Variants in PTPRM observed in about 807,000 individuals in gnomAD.
PTPRM encodes protein tyrosine phosphatase receptor type M, also known as receptor-type tyrosine-protein phosphatase mu.
In PTPRM, 47 loss-of-function variants were observed where a neutral mutation model predicts 186.7. That is an observed-to-expected ratio of 0.25 (90% confidence interval 0.20 to 0.32). The LOEUF (loss-of-function observed/expected upper bound fraction) is 0.32. PTPRM is among the 10% of genes least tolerant of loss of function. PTPRM has a pLI of 1.00. For missense variants in PTPRM, 1,494 were observed against 1,865.0 expected (o/e 0.80, Z 3.66); for synonymous variants, 668 against 674.9 (o/e 0.99, Z 0.16).
rs1413600605 is a variant in PTPRM at position 7,982,291 on chromosome 18, T to TC, written c.1132+26877_1132+26878insC. Among the ~76,000 whole-genome samples, 9 of 151,530 alleles carry TC rather than the reference T, an allele frequency of 5.9e-5. No homozygotes were observed. The East Asian group carries it at 1.7e-3, about 29-fold the overall frequency. Reference sequence around the variant, plus strand: ...TCTGTTTTTAAGTTTTTACTTTTTTTTTTTTTTTTTACTTTTAAAACTTTT... The same window carrying TC: ...TCTGTTTTTAAGTTTTTACTTTTTTTCTTTTTTTTTTACTTTTAAAACTTTT... On this transcript the variant is annotated intron_variant, in intron 7 of 32. Coordinates refer to ENST00000580170, the MANE Select transcript of PTPRM (RefSeq NM_001105244.2).
chr18:8,367,973 A>G (rs1188742937), intron 23 of PTPRM, among the ~76,000 whole-genome samples: 1 of 152,004 alleles, frequency 6.6e-6, no homozygotes, highest in Non-Finnish European at 1.5e-5. Context: ...GGTAAGATAA[A>G]CCTGGTATAA....
At chr18:8,347,314 C>T (rs1236157103) in intron 23 of PTPRM, among the ~76,000 whole-genome samples, 1 of 152,120 alleles carries the variant, frequency 6.6e-6, no homozygotes, top group East Asian at 1.9e-4. Flanking sequence ...AATTGGAATT[C>T]CAAAGGACAC....
At chr18:8,399,914 C>T (rs2148631038) in intron 32 of PTPRM, 1 of 152,404 alleles carries the variant, frequency 6.6e-6, no homozygotes, top group Non-Finnish European at 1.5e-5. Context: ...CCCAACCCAC[C>T]TGGGAGTCTG....
intron 1 of PTPRM, among the ~76,000 whole-genome samples, chr18:7,722,837 A>G (rs2040474334): frequency 6.6e-6 from 1 of 152,196 alleles, no homozygotes; most frequent in African/African-American, 2.4e-5. Context: ...CAGAGAGCTC[A>G]TGTAAATCGG....
chr18:8,184,342 G>C (rs78885309), intron 14 of PTPRM, among the ~76,000 whole-genome samples: 4 of 152,144 alleles, frequency 2.6e-5, no homozygotes, highest in Non-Finnish European at 5.9e-5. Flanking sequence ...TAAAAGGAAA[G>C]GGATGTGCTG....
At chr18:8,394,388 A>G (rs2095835207) in intron 31 of PTPRM, 88 bp from the exon 32 acceptor site, 19 of 1,416,702 alleles carry the variant, frequency 1.3e-5, no homozygotes, top group Admixed American at 4.8e-5. Flanking sequence ...ACTGTTCCCC[A>G]GGGTTTAGAC....
intron 7 of PTPRM, among the ~76,000 whole-genome samples, chr18:7,972,492 AAAGG>A (rs1212745461): frequency 4.2e-5 from 6 of 141,210 alleles, no homozygotes; most frequent in African/African-American, 1.7e-4. Flanking sequence ...AAAAAAAAAA[AAAGG>A]AGAGAAACAT....
chr18:7,591,814 C>A (rs553900204), intron 1 of PTPRM, among the ~76,000 whole-genome samples: 2 of 152,090 alleles, frequency 1.3e-5, no homozygotes, highest in Non-Finnish European at 2.9e-5. Flanking sequence ...CTTTTATGAA[C>A]CGTGATTGAC....
chr18:8,261,807 A>C (rs1486702997), intron 19 of PTPRM, among the ~76,000 whole-genome samples: 1 of 152,180 alleles, frequency 6.6e-6, no homozygotes, highest in Non-Finnish European at 1.5e-5. Context: ...TGTGTGAAGC[A>C]CTTCTAGGCA....
intron 1 of PTPRM, among the ~76,000 whole-genome samples, chr18:7,589,499 T>C (rs1308854829): frequency 6.6e-6 from 1 of 152,148 alleles, no homozygotes; most frequent in Non-Finnish European, 1.5e-5. Context: ...GGCCCAACTT[T>C]AATCTTTCTA....
chr18:7,650,453 C>T (rs986958989), intron 1 of PTPRM, among the ~76,000 whole-genome samples: 1 of 145,992 alleles, frequency 6.8e-6, no homozygotes, highest in South Asian at 2.3e-4. Flanking sequence ...ATCCCCCCCC[C>T]CCCCACTGTA....
At chr18:7,846,766 C>A (rs189639320) in intron 2 of PTPRM, among the ~76,000 whole-genome samples, 36 of 152,288 alleles carry the variant, frequency 2.4e-4, no homozygotes, top group African/African-American at 7.5e-4. Context: ...GTTTTGCCTA[C>A]CTGCTTGTCT....
intron 4 of PTPRM, among the ~76,000 whole-genome samples, chr18:7,908,132 GT>G (rs1230532022): frequency 6.6e-6 from 1 of 152,106 alleles, no homozygotes; most frequent in Non-Finnish European, 1.5e-5. Flanking sequence ...GACGTTCTTA[GT>G]TTTATTGGGT....
At chr18:7,914,802 G>T (rs1050201906) in intron 4 of PTPRM, among the ~76,000 whole-genome samples, 3 of 152,066 alleles carry the variant, frequency 2.0e-5, no homozygotes, top group African/African-American at 4.8e-5. Flanking sequence ...GCAGTACCAG[G>T]CTGTTCTTTT....
Position 7,568,697 on chromosome 18 carries a change from T to C in PTPRM, c.73+806T>C, listed in dbSNP as rs999586607. Among the ~76,000 whole-genome samples the C allele has an allele frequency of 6.6e-6, 1 of 152,124 alleles. No individual in the cohort carries two copies. The highest frequency in any genetic ancestry group is 2.4e-5 in the African/African-American group (1 of 41,440). On this transcript the variant is annotated intron_variant, in intron 1 of 32. Transcript: ENST00000580170. The surrounding 1 kb of genome is among the most constrained non-coding windows in gnomAD (Gnocchi z 5.1). ...GTGGGAAGGAGAGGCACTGGCGGTG[T>C]GCGAGCAAGCGTGTGAGTGTGTGCG...
chr18:7,888,322 G>T lies in PTPRM; in HGVS notation c.413G>T (p.Arg138Leu), dbSNP rs80101967. ...TGGAATATATCTGGAGACCCAACAC[G>T]TACATGGAACAGGGCAGAACTGGCC... ...PIWNISGDPT[R>L]TWNRAELAIS... Residue 138 changes from arginine (R) to leucine (L), a missense_variant, in exon 3 of 33, where the codon CGT becomes CTT. Transcript: ENST00000580170. 6 of 1,614,160 alleles carry T rather than the reference G, an allele frequency of 3.7e-6. No homozygotes were observed. The highest frequency in any genetic ancestry group is 4.2e-6 in the Non-Finnish European group (5 of 1,180,030).
intron 2 of PTPRM, among the ~76,000 whole-genome samples, chr18:7,851,349 G>T (rs1041660481): frequency 6.6e-6 from 1 of 152,146 alleles, no homozygotes; most frequent in Non-Finnish European, 1.5e-5. Flanking sequence ...CAGATGTAAA[G>T]AAGAGTTATG....
intron 1 of PTPRM, among the ~76,000 whole-genome samples, chr18:7,759,163 A>G (rs896178229): frequency 2.6e-5 from 4 of 152,172 alleles, no homozygotes; most frequent in African/African-American, 9.7e-5. Flanking sequence ...AAGGGTTACT[A>G]TTTCTTAAGT....
chr18:8,111,602 G>A (rs1299095210), intron 11 of PTPRM, among the ~76,000 whole-genome samples: 1 of 139,278 alleles, frequency 7.2e-6, no homozygotes, highest in Non-Finnish European at 1.6e-5. Context: ...GACAGAGGGA[G>A]ACTCCATCTC....
Sources: gnomAD v4.1 joint callset for allele counts (sites outside exome capture counted in the v4.1 genomes callset) on GRCh38, gnomAD v4.1.1 for gene constraint, Gnocchi (gnomAD v3.1) non-coding constraint, MANE v1.5 for transcripts, NCBI Gene and HGNC (gene_info 2026-07-23, HGNC 2026-07-21) for gene names.